DNAH6: variants seen among roughly 807,000 people sequenced by gnomAD.
The protein encoded by DNAH6 is axonemal beta dynein heavy chain 6.
DNAH6 carries 340 observed loss-of-function variants against 491.4 expected under a neutral mutation model. That is an observed-to-expected ratio of 0.69 (90% confidence interval 0.63 to 0.76). The LOEUF is 0.76. Among genes scored for constraint, DNAH6 ranks in the 30% least tolerant of loss-of-function variants. The probability of loss-of-function intolerance (pLI) is 0.00; values close to 1 mark genes in which losing one functional copy is unlikely to be tolerated. For synonymous variants in DNAH6, 1,603 were observed against 1,686.1 expected, an observed-to-expected ratio of 0.95 and a Z score of 1.21; for missense variants, 4,443 against 4,972.2, an observed-to-expected ratio of 0.89 and a Z score of 3.20.
intron 33 of DNAH6, among the ~76,000 whole-genome samples, chr2:84,645,825 T>A (rs1293694420): frequency 6.6e-6 from 1 of 152,166 alleles, no homozygotes; most frequent in African/African-American, 2.4e-5. Context: ...CATCTCCACA[T>A]CTAGCCTCAA....
At position 84,685,389 on chromosome 2, in the gene DNAH6, A is replaced by G; in HGVS notation, c.6980A>G (p.His2327Arg). The change falls in exon 43 of 77, where the codon CAT (histidine) becomes CGT (arginine). Residue 2327 changes from histidine (H) to arginine (R), a missense_variant. This residue lies in a region of DNAH6 where 2,977 missense variants were observed against 3,296.6 expected (regional missense o/e 0.90). Coordinates refer to ENST00000389394, the MANE Select transcript of DNAH6 (RefSeq NM_001370.2). Reference protein sequence around the residue: ...EEIQIFRLFCHECQRVFHDRL... With the variant: ...EEIQIFRLFCRECQRVFHDRL... Reference sequence around the variant, plus strand: ...ATTCAGATATTTAGACTCTTTTGCCATGAGTGCCAAAGGGTCTTCCATGAT... The same window carrying G: ...ATTCAGATATTTAGACTCTTTTGCCGTGAGTGCCAAAGGGTCTTCCATGAT... The G allele has an allele frequency of 2.6e-6, 4 of 1,530,540 alleles. No individual in the cohort carries two copies. Among genetic ancestry groups the G allele is most frequent in the South Asian group, 2.5e-5 (2 of 80,536 alleles). 94.8% of individuals were successfully genotyped at this position (1,530,540 alleles called of 1,614,324 possible).
At chr2:84,548,456 C>T (rs1336787902) in intron 8 of DNAH6, 39 bp downstream of exon 8, 1 of 1,608,548 alleles carries the variant, frequency 6.2e-7, no homozygotes, top group Non-Finnish European at 8.5e-7. Context: ...TTGTAGTACC[C>T]ATCTTAAGCT....
chr2:84,557,700 G>A (rs771812259), intron 10 of DNAH6, 35 bp from the exon 11 acceptor site: 1 of 416,560 alleles, frequency 2.4e-6, no homozygotes, highest in Non-Finnish European at 4.5e-6. Context: ...AAATATATGT[G>A]TTCACATTTA....
At position 84,549,871 on chromosome 2, in the gene DNAH6, GT is replaced by G. The variant is rs574693833; in HGVS notation, c.1317-10del. 509 of 1,571,224 alleles carry G rather than the reference GT, an allele frequency of 3.2e-4. 2 individuals are homozygous for G. In the African/African-American group the frequency reaches 6.3e-3, roughly 19 times the overall value. ...AATATAAGAAACCGAAATTGTATTA[GT>G]TTTTTTTCTTTTCAAGCTTTATTCG... On this transcript the variant is annotated splice_polypyrimidine_tract_variant and intron_variant, in intron 8 of 76. Transcript: ENST00000389394.
Position 84,796,340 on chromosome 2 carries a change from C to T in DNAH6, c.11274C>T (p.Ser3758=). The change falls in exon 69 of 77, where the codon AGC becomes AGT. Residue 3758 remains serine (S), a synonymous_variant. Transcript: ENST00000389394. Reference sequence around the variant, plus strand: ...CTTATGGTGGTAGAGTCACAGACAGCTGGGACCAAAGATGCCTTCGTACTA... The same window carrying T: ...CTTATGGTGGTAGAGTCACAGACAGTTGGGACCAAAGATGCCTTCGTACTA... The part of the protein sequence containing the change: ...EITYGGRVTD[S]WDQRCLRTIL... 6.5e-7 allele frequency: 1 copy of T among 1,531,366 alleles called. No individual in the cohort carries two copies. The highest frequency in any genetic ancestry group is 8.8e-7 in the Non-Finnish European group (1 of 1,134,812). The allele number at this position is 1,531,366 out of a possible 1,614,324, so 94.9% of individuals were successfully genotyped here.
the DNAH6 span, among the ~76,000 whole-genome samples, chr2:84,499,315 C>A: frequency 6.6e-6 from 1 of 152,148 alleles, no homozygotes; most frequent in Non-Finnish European, 1.5e-5. Context: ...CTGTGCCTGG[C>A]TTATTTCACT....
Position 84,588,960 on chromosome 2 carries a change from G to T in DNAH6, c.2610+6G>T. The T allele has an allele frequency of 6.5e-7, 1 of 1,542,886 alleles. No homozygotes were observed. The highest frequency in any genetic ancestry group is 1.2e-5 in the South Asian group (1 of 81,554). ...CCTATCAGAAGAATTTTAAGGTAATGACAGTTTTACACCATCTGTCTTAGA... is the reference window on the plus strand; with the variant it reads ...CCTATCAGAAGAATTTTAAGGTAATTACAGTTTTACACCATCTGTCTTAGA... On this transcript the variant is annotated splice_donor_region_variant and intron_variant, in intron 16 of 76. Transcript: ENST00000389394.
At position 84,727,827 on chromosome 2, in the gene DNAH6, G is replaced by A; in HGVS notation, c.10131G>A (p.Glu3377=). ...KLIYSFMLCV[E]MMRQQGTLSD... is the part of the protein sequence containing the mutation. Reference sequence around the variant, plus strand: ...TCTACAGCTTTATGCTTTGTGTTGAGATGATGCGTCAGCAAGGAACCCTAT... The same window carrying A: ...TCTACAGCTTTATGCTTTGTGTTGAAATGATGCGTCAGCAAGGAACCCTAT... Residue 3377 remains glutamate (E), a synonymous_variant, in exon 61 of 77, where the codon GAG becomes GAA. Coordinates refer to ENST00000389394, the MANE Select transcript of DNAH6 (RefSeq NM_001370.2). 6.4e-7 allele frequency: 1 copy of A among 1,552,150 alleles called. No homozygotes were observed. The highest frequency in any genetic ancestry group is 8.7e-7 in the Non-Finnish European group (1 of 1,147,062).
chr2:84,481,536 C>G, the DNAH6 span, among the ~76,000 whole-genome samples: 1 of 152,204 alleles, frequency 6.6e-6, no homozygotes, highest in Admixed American at 6.5e-5. Flanking sequence ...CAGCAGAGAT[C>G]ACAGCAGTGT....
Position 84,619,759 on chromosome 2 carries a change from A to C in DNAH6, c.3647A>C (p.His1216Pro). The C allele has an allele frequency of 6.4e-7, 1 of 1,551,664 alleles. No individual in the cohort carries two copies. The highest frequency in any genetic ancestry group is 8.7e-7 in the Non-Finnish European group (1 of 1,146,868). The change falls in exon 24 of 77, where the codon CAC becomes CCC. Residue 1216 changes from histidine to proline, a missense_variant. By Grantham distance (77) the His-to-Pro change is moderately conservative. This residue lies in a region of DNAH6 where 2,977 missense variants were observed against 3,296.6 expected (regional missense o/e 0.90). Transcript: ENST00000389394. ...QTRNPQAVQP[H>P]LRKCFDSISK... is the part of the protein sequence containing the mutation. The stretch of plus-strand genomic sequence containing the variant: ...CGAAATCCACAGGCCGTGCAGCCAC[A>C]CTTAAGGAAATGCTTCGACTCCATT...
At position 84,624,472 on chromosome 2, in the gene DNAH6, C is replaced by G. The variant is rs1185009067; in HGVS notation, c.4205C>G (p.Thr1402Arg). The G allele has an allele frequency of 1.3e-6, 2 of 1,551,716 alleles. No individual in the cohort carries two copies. The highest frequency in any genetic ancestry group is 2.4e-5 in the South Asian group (2 of 84,020). ...VTELVQSKVE[T>R]VESFDWQRQL... Reference sequence around the variant, plus strand: ...TATGTATATCACATATAGGTGGAGACAGTTGAATCTTTTGACTGGCAGAGA... The same window carrying G: ...TATGTATATCACATATAGGTGGAGAGAGTTGAATCTTTTGACTGGCAGAGA... Residue 1402 changes from threonine to arginine, a missense_variant, in exon 28 of 77, where the codon ACA becomes AGA. This residue lies in a region of DNAH6 where 2,977 missense variants were observed against 3,296.6 expected (regional missense o/e 0.90). Transcript: ENST00000389394.
chr2:84,641,273 T>A (rs890866637), intron 32 of DNAH6, among the ~76,000 whole-genome samples: 2 of 152,176 alleles, frequency 1.3e-5, no homozygotes, highest in South Asian at 4.1e-4. Context: ...TCTGCCTGGC[T>A]CCTGCATCAC....
intron 64 of DNAH6, among the ~76,000 whole-genome samples, chr2:84,772,315 A>C (rs918696318): frequency 6.6e-6 from 1 of 152,118 alleles, no homozygotes; most frequent in Non-Finnish European, 1.5e-5. Context: ...ATGACATGTA[A>C]AAAAATCAGA....
At chr2:84,532,140 C>G (rs1187986650) in intron 4 of DNAH6, among the ~76,000 whole-genome samples, 1 of 152,060 alleles carries the variant, frequency 6.6e-6, no homozygotes, top group Non-Finnish European at 1.5e-5. Context: ...TTTACCAGCA[C>G]AATATAAAGT....
chr2:84,467,310 T>G, the DNAH6 span, among the ~76,000 whole-genome samples: 1 of 152,236 alleles, frequency 6.6e-6, no homozygotes, highest in Non-Finnish European at 1.5e-5. Flanking sequence ...ACATTTTACT[T>G]TTCTTACACA....
intron 64 of DNAH6, among the ~76,000 whole-genome samples, chr2:84,767,658 A>G (rs187818496): frequency 1.3e-5 from 2 of 152,252 alleles, no homozygotes; most frequent in Non-Finnish European, 2.9e-5. Context: ...GAAAAGATGG[A>G]AGAGAAGATA....
At position 84,579,575 on chromosome 2, in the gene DNAH6, A is replaced by T; in HGVS notation, c.2125A>T (p.Ile709Phe). The change falls in exon 14 of 77, where the codon ATT (isoleucine) becomes TTT (phenylalanine). Residue 709 changes from isoleucine (I) to phenylalanine (F), a missense_variant. Physicochemically the swap from Ile to Phe is conservative, Grantham distance 21. Transcript: ENST00000389394. ...PRQSKKKVDAIIFEAQDAEYK... is the reference protein window; with the variant it reads ...PRQSKKKVDAFIFEAQDAEYK... Reference sequence around the variant, plus strand: ...TCAAAGCAAGAAAAAAGTGGATGCCATTATCTTTGAGGCACAAGATGCAGA... The same window carrying T: ...TCAAAGCAAGAAAAAAGTGGATGCCTTTATCTTTGAGGCACAAGATGCAGA... 1 of 1,613,916 alleles carries T rather than the reference A, an allele frequency of 6.2e-7. No homozygotes were observed. Among genetic ancestry groups the T allele is most frequent in the Middle Eastern group, 1.6e-4 (1 of 6,062 alleles).
In DNAH6 at chr2:84,624,915, T is replaced by G. The variant is rs1687720528; in HGVS notation, c.4367T>G (p.Leu1456Arg). 2 of 1,549,686 alleles carry G rather than the reference T, an allele frequency of 1.3e-6. No homozygotes were observed. The change falls in exon 29 of 77, where the codon CTT (leucine) becomes CGT (arginine). Residue 1456 changes from leucine (L) to arginine (R), a missense_variant. Physicochemically the swap from Leu to Arg is moderately radical, Grantham distance 102. Coordinates refer to ENST00000389394, the MANE Select transcript of DNAH6 (RefSeq NM_001370.2). ...VITPLTDRCY[L>R]CLMGALQLDL... is the part of the protein sequence containing the mutation. ...TGCTTTCTTCAGGATCGCTGCTATC[T>G]TTGCCTCATGGGAGCTTTGCAGCTT...
the DNAH6 span, among the ~76,000 whole-genome samples, chr2:84,496,415 G>T: frequency 1.3e-5 from 2 of 151,532 alleles, no homozygotes; most frequent in Admixed American, 6.6e-5. Flanking sequence ...ATATATTCTG[G>T]GCTTACAAAA....
Sources: gnomAD v4.1 joint callset for allele counts (sites outside exome capture counted in the v4.1 genomes callset) on GRCh38, gnomAD v4.1.1 for gene constraint, gnomAD v4.1.1 regional missense constraint, MANE v1.5 for transcripts, NCBI Gene and HGNC (gene_info 2026-07-23, HGNC 2026-07-21) for gene names.